UBXN11: variants seen among roughly 807,000 people sequenced by gnomAD.
The protein encoded by UBXN11 is UBX domain protein 11.
UBXN11 carries 47 observed loss-of-function variants against 62.8 expected under a neutral mutation model. The observed-to-expected ratio is 0.75, with a 90% CI of 0.59 to 0.95. The LOEUF is 0.95. Ranked by LOEUF, UBXN11 falls within the 40% of genes least tolerant of loss-of-function variation. The pLI is 0.00. For missense variants in UBXN11, 638 were observed against 661.7 expected, an observed-to-expected ratio of 0.96 and a Z score of 0.39; for synonymous variants, 294 against 267.0, an observed-to-expected ratio of 1.10 and a Z score of -0.99.
Position 26,301,032 on chromosome 1 carries a change from C to T in UBXN11, c.101-8G>A, listed in dbSNP as rs755125154. The T allele has an allele frequency of 1.3e-5, 21 of 1,614,124 alleles. No homozygotes were observed. In the South Asian group the frequency reaches 2.3e-4, roughly 18 times the overall value. The stretch of plus-strand genomic sequence containing the variant: ...ACATGTCCACCTCATCTTCTGCAGA[C>T]AGGGATGCCTAGGTCACCGCTCTGG... On this transcript the variant is annotated splice_region_variant and splice_polypyrimidine_tract_variant and intron_variant, in intron 3 of 14. Coordinates refer to ENST00000374222, the MANE Select transcript of UBXN11 (RefSeq NM_001389556.1).
chr1:26,288,570 G>T (rs1394173518), intron 8 of UBXN11, among the ~76,000 whole-genome samples: 1 of 152,198 alleles, frequency 6.6e-6, no homozygotes, highest in African/African-American at 2.4e-5. Context: ...CCTGACCCGT[G>T]GATGGAGAGA....
chr1:26,285,221 CAG>C, intron 10 of UBXN11: 1 of 1,306,358 alleles, frequency 7.7e-7, no homozygotes, highest in Non-Finnish European at 9.8e-7. Context: ...GACTAGAAGG[CAG>C]GGGCCCCGCA....
rs1293903445 is a variant in UBXN11 at position 26,284,632 on chromosome 1, C to T, written c.853-150G>A. ...GAGGAAACCCAGGCCTCAGGAGAGC[C>T]ACGGTTCGTACTGCTGTCATCTCCC... On this transcript the variant is annotated intron_variant, in intron 10 of 14. Transcript: ENST00000374222. 17 of 1,396,570 alleles carry T rather than the reference C, an allele frequency of 1.2e-5. 1 individual carries two copies. The highest frequency in any genetic ancestry group is 2.8e-5 in the East Asian group (1 of 36,118). 86.5% of individuals were successfully genotyped at this position (1,396,570 alleles called of 1,614,324 possible).
At chr1:26,314,330 A>T (rs763066695) in intron 1 of UBXN11, among the ~76,000 whole-genome samples, 15 of 151,580 alleles carry the variant, frequency 9.9e-5, no homozygotes, top group Non-Finnish European at 2.2e-4. Context: ...AGGTGGGGGG[A>T]GTTTGTCAGG....
intron 7 of UBXN11, among the ~76,000 whole-genome samples, chr1:26,296,006 G>A (rs949412899): frequency 6.6e-6 from 1 of 152,274 alleles, no homozygotes; most frequent in Admixed American, 6.5e-5. Flanking sequence ...TGAACAGCTT[G>A]GAGTGGGAAG....
At chr1:26,305,393 T>C (rs1055835482) in intron 1 of UBXN11, among the ~76,000 whole-genome samples, 1 of 152,248 alleles carries the variant, frequency 6.6e-6, no homozygotes, top group African/African-American at 2.4e-5. Flanking sequence ...ATTTTCTTTT[T>C]AGTATATTCA....
At chr1:26,294,513 G>A (rs543990809) in intron 7 of UBXN11, among the ~76,000 whole-genome samples, 182 bp from the exon 8 acceptor site, 3 of 152,354 alleles carry the variant, frequency 2.0e-5, no homozygotes, top group African/African-American at 7.2e-5. Flanking sequence ...AGCCACCTCA[G>A]TCCCTAGAGC....
chr1:26,300,790 A>C (rs923406070), intron 4 of UBXN11, 136 bp downstream of exon 4: 1 of 1,430,594 alleles, frequency 7.0e-7, no homozygotes, highest in Non-Finnish European at 9.3e-7. Flanking sequence ...GGTCCCTGCC[A>C]CAATCAGCCA....
chr1:26,293,358 G>T (rs2073315622), intron 8 of UBXN11, among the ~76,000 whole-genome samples: 2 of 152,098 alleles, frequency 1.3e-5, no homozygotes, highest in South Asian at 4.1e-4. Flanking sequence ...GAAATGGCCA[G>T]TTTTATGGAC....
At position 26,284,370 on chromosome 1, in the gene UBXN11, T is replaced by C. The variant is rs1447194699; in HGVS notation, c.965A>G (p.Glu322Gly). 2 of 1,613,900 alleles carry C rather than the reference T, an allele frequency of 1.2e-6. No homozygotes were observed. The highest frequency in any genetic ancestry group is 8.5e-7 in the Non-Finnish European group (1 of 1,179,960). ...CTGGAGGCCAAACTCACCTGGGTGC[T>C]CCTCCACCCTGTCCAAGGCCTTGTG... is the stretch of plus-strand genomic sequence containing the variant. ...LMHKALDRVE[E>G]HPGSRMTAEK... Residue 322 changes from glutamate to glycine, a missense_variant, in exon 11 of 15, where the codon GAG (glutamate) becomes GGG (glycine). Glu to Gly is a moderately conservative substitution (Grantham distance 98). Transcript: ENST00000374222.
intron 7 of UBXN11, 107 bp from the exon 8 acceptor site, chr1:26,294,438 C>G (rs538276213): frequency 6.8e-7 from 1 of 1,468,562 alleles, no homozygotes; most frequent in African/African-American, 1.4e-5. Context: ...AATGGGGCCC[C>G]CAGAGCTGAC....
chr1:26,312,050 C>T (rs961804781), intron 1 of UBXN11, among the ~76,000 whole-genome samples: 3 of 152,206 alleles, frequency 2.0e-5, no homozygotes, highest in Non-Finnish European at 2.9e-5. Flanking sequence ...TTCCAGAAAC[C>T]GTCATGTTCT....
At chr1:26,290,255 T>C (rs2073228625) in intron 8 of UBXN11, among the ~76,000 whole-genome samples, 1 of 152,176 alleles carries the variant, frequency 6.6e-6, no homozygotes, top group Admixed American at 6.5e-5. Context: ...ACAGTGGCTG[T>C]CACAGTTTAT....
At chr1:26,309,145 G>A (rs1471491129), upstream of UBXN11, among the ~76,000 whole-genome samples, 2 of 151,910 alleles carry the variant, frequency 1.3e-5, no homozygotes, top group African/African-American at 4.8e-5. Context: ...ATGTTGGCCA[G>A]TGTGGTCTCC....
chr1:26,296,707 C>G (rs944909026), intron 7 of UBXN11, among the ~76,000 whole-genome samples: 9 of 152,170 alleles, frequency 5.9e-5, no homozygotes, highest in African/African-American at 1.4e-4. Context: ...TCAGAGGGCC[C>G]AAAAGCAGGG....
At chr1:26,287,986 G>A (rs537195247) in intron 8 of UBXN11, among the ~76,000 whole-genome samples, 13 of 149,630 alleles carry the variant, frequency 8.7e-5, no homozygotes, top group Middle Eastern at 3.4e-3. Flanking sequence ...TACTGCAACC[G>A]TGACCTCCCG....
rs2073122119 is a variant in UBXN11 at position 26,285,926 on chromosome 1, C to T, written c.671G>A (p.Gly224Glu). 7.4e-6 allele frequency: 12 copies of T among 1,613,628 alleles called. No homozygotes were observed. Among genetic ancestry groups the T allele is most frequent in the African/African-American group, 1.3e-5 (1 of 74,936 alleles). Reference protein sequence around the residue: ...GDTQVTPVPGGARLRTLEPIP... With the variant: ...GDTQVTPVPGEARLRTLEPIP... ...GGGCTCGAGGGTACGCAGCCGTGCC[C>T]CGCCGGGCACTGGTGTCACTTGGGT... The change falls in exon 9 of 15, where the codon GGG (glycine) becomes GAG (glutamate). Residue 224 changes from glycine to glutamate, a missense_variant. By Grantham distance (98) the Gly-to-Glu change is moderately conservative. Transcript: ENST00000374222.
intron 1 of UBXN11, among the ~76,000 whole-genome samples, chr1:26,303,906 C>T (rs752466116): frequency 1.1e-4 from 17 of 152,130 alleles, no homozygotes; most frequent in Admixed American, 3.9e-4. Context: ...ATGTTAGTTT[C>T]CTTTCCTTTC....
In UBXN11 at chr1:26,285,499, G is replaced by C; in HGVS notation, c.817C>G (p.Leu273Val). The C allele has an allele frequency of 6.2e-7, 1 of 1,603,068 alleles. No individual in the cohort carries two copies. Among genetic ancestry groups the C allele is most frequent in the East Asian group, 2.2e-5 (1 of 44,530 alleles). Residue 273 changes from leucine (L) to valine (V), a missense_variant, in exon 10 of 15, where the codon CTC (leucine) becomes GTC (valine). Physicochemically the swap from Leu to Val is conservative, Grantham distance 32 (BLOSUM62 1). Coordinates refer to ENST00000374222, the MANE Select transcript of UBXN11 (RefSeq NM_001389556.1). The part of the protein sequence containing the change: ...DILDGFFPSE[L>V]QRLYPNGVPF... ...ACCCCATTGGGGTACAGTCGCTGGAGCTCTGAGGGAAAGAAGCCATCCAAT... is the reference window on the plus strand; with the variant it reads ...ACCCCATTGGGGTACAGTCGCTGGACCTCTGAGGGAAAGAAGCCATCCAAT...
Sources: allele counts gnomAD v4.1 joint callset (sites outside exome capture counted in the v4.1 genomes callset), GRCh38; gene constraint gnomAD v4.1.1; transcripts MANE v1.5; gene names NCBI Gene and HGNC (gene_info 2026-07-23, HGNC 2026-07-21).